PAGE2B: variants seen among roughly 807,000 people sequenced by gnomAD.
The protein encoded by PAGE2B is putative G antigen family E member 3.
PAGE2B carries 5 observed loss-of-function variants against 7.6 expected under a neutral mutation model. The observed-to-expected ratio is 0.66, with a 90% CI of 0.34 to 1.38. The LOEUF (loss-of-function observed/expected upper bound fraction) is 1.38. Ranked by LOEUF, PAGE2B falls within the 40% of genes most tolerant of loss-of-function variation. PAGE2B has a pLI of 0.04. For synonymous variants in PAGE2B, 29 were observed against 26.7 expected (o/e 1.09, Z -0.27); for missense variants, 70 against 78.4 (o/e 0.89, Z 0.41).
the PAGE2B span, among the ~76,000 whole-genome samples, chrX:55,037,794 C>G: frequency 9.4e-6 from 1 of 106,179 alleles, no homozygotes; most frequent in East Asian, 3.0e-4. Context: ...AGCAAACTAT[C>G]ACAAGGACAA....
chrX:55,059,829 T>C, the PAGE2B span, among the ~76,000 whole-genome samples: 1 of 111,385 alleles, frequency 9.0e-6, no homozygotes, highest in African/African-American at 3.3e-5. Flanking sequence ...TTCTATCAAT[T>C]AGATTTTTTT....
At chrX:55,029,504 A>G in the PAGE2B span, among the ~76,000 whole-genome samples, 1 of 111,746 alleles carries the variant, frequency 8.9e-6, no homozygotes, top group Non-Finnish European at 1.9e-5. Flanking sequence ...TAACTTAACC[A>G]TTATGGATCT....
chrX:55,069,339 G>A, the PAGE2B span, among the ~76,000 whole-genome samples: 19 of 111,552 alleles, frequency 1.7e-4, no homozygotes, highest in South Asian at 3.8e-4. Flanking sequence ...GATGGATTAC[G>A]TTTATTGATT....
At chrX:55,041,271 C>T in the PAGE2B span, among the ~76,000 whole-genome samples, 8 of 108,047 alleles carry the variant, frequency 7.4e-5, no homozygotes, top group African/African-American at 2.0e-4. Flanking sequence ...TTAGCAGAGA[C>T]GGGATTTCAC....
chrX:55,057,869 T>C, the PAGE2B span, among the ~76,000 whole-genome samples: 2 of 111,947 alleles, frequency 1.8e-5, no homozygotes, highest in Admixed American at 1.9e-4. Flanking sequence ...TGGATTGCAC[T>C]CTCTTGACAG....
At chrX:55,029,126 C>T in the PAGE2B span, among the ~76,000 whole-genome samples, 1 of 111,525 alleles carries the variant, frequency 9.0e-6, no homozygotes, top group Non-Finnish European at 1.9e-5. Flanking sequence ...TTCTCCATTT[C>T]CCATGTAGAA....
chrX:55,066,050 A>G, the PAGE2B span, among the ~76,000 whole-genome samples: 1 of 111,840 alleles, frequency 8.9e-6, no homozygotes, highest in Middle Eastern at 4.6e-3. Flanking sequence ...TGAGTTTTGT[A>G]CCTTCAGATG....
At chrX:55,066,872 T>C in the PAGE2B span, among the ~76,000 whole-genome samples, 2 of 111,443 alleles carry the variant, frequency 1.8e-5, no homozygotes, top group African/African-American at 6.5e-5. Flanking sequence ...TTAATATGCT[T>C]TTCATATTTA....
At chrX:55,072,839 C>T (rs1012935385), upstream of PAGE2B, among the ~76,000 whole-genome samples, 9 of 111,828 alleles carry the variant, frequency 8.0e-5, no homozygotes, top group Non-Finnish European at 1.3e-4. Flanking sequence ...TCACCCATTC[C>T]GAGCTTCCAG....
the PAGE2B span, among the ~76,000 whole-genome samples, chrX:55,067,095 T>A: frequency 9.0e-6 from 1 of 110,813 alleles, no homozygotes; most frequent in Non-Finnish European, 1.9e-5. Context: ...CTGGGGTATG[T>A]GTGCAGAATA....
At chrX:55,039,134 A>T in the PAGE2B span, among the ~76,000 whole-genome samples, 1 of 111,585 alleles carries the variant, frequency 9.0e-6, no homozygotes, top group Non-Finnish European at 1.9e-5. Flanking sequence ...CCATGAGATA[A>T]AACTGCTTTC....
chrX:55,040,474 C>T, the PAGE2B span, among the ~76,000 whole-genome samples: 1 of 111,203 alleles, frequency 9.0e-6, no homozygotes, highest in Admixed American at 9.6e-5. Flanking sequence ...ATGAACTCAT[C>T]CAAAAAGGAA....
intron 2 of PAGE2B, 73 bp downstream of exon 2, chrX:55,076,198 C>A: frequency 9.4e-7 from 1 of 1,061,803 alleles, no homozygotes; most frequent in Non-Finnish European, 1.3e-6. Context: ...CTAGTGTACA[C>A]GCACTGATAC....
At chrX:55,056,278 GTGGGAGAGAAAGGATAAGAGAGGAA>G in the PAGE2B span, among the ~76,000 whole-genome samples, 1 of 110,953 alleles carries the variant, frequency 9.0e-6, no homozygotes, top group African/African-American at 3.3e-5. Context: ...TGGGAGAGTG[GTGGGAGAGAAAGGATAAGAGAGGAA>G]TGGGAGAGAA....
chrX:55,029,533 C>A, the PAGE2B span, among the ~76,000 whole-genome samples: 3 of 111,714 alleles, frequency 2.7e-5, no homozygotes, highest in East Asian at 8.4e-4. Context: ...AATATTACTA[C>A]CTTTTTTTCT....
At chrX:55,075,180 C>G in intron 1 of PAGE2B, 66 bp downstream of exon 1, 1 of 126,777 alleles carries the variant, frequency 7.9e-6, no homozygotes, top group Non-Finnish European at 1.6e-5. Flanking sequence ...AGCCAGCTGG[C>G]TTTGGACAGG....
chrX:55,029,779 G>T, the PAGE2B span, among the ~76,000 whole-genome samples: 1 of 111,904 alleles, frequency 8.9e-6, no homozygotes, highest in African/African-American at 3.3e-5. Context: ...CCAAAGAGAT[G>T]ATGGTGAAAT....
the PAGE2B span, among the ~76,000 whole-genome samples, chrX:55,057,484 C>T: frequency 1.8e-5 from 2 of 111,574 alleles, no homozygotes; most frequent in Admixed American, 9.5e-5. Context: ...GGCCTTGAAT[C>T]CTGCCCCTGC....
the PAGE2B span, among the ~76,000 whole-genome samples, chrX:55,045,983 C>T: frequency 9.0e-6 from 1 of 111,718 alleles, no homozygotes; most frequent in African/African-American, 3.3e-5. Flanking sequence ...GTAGGAGAAA[C>T]AGGCACATAA....
Sources: gnomAD v4.1 joint callset for allele counts (sites outside exome capture counted in the v4.1 genomes callset) on GRCh38, gnomAD v4.1.1 for gene constraint, MANE v1.5 for transcripts, NCBI Gene and HGNC (gene_info 2026-07-23, HGNC 2026-07-21) for gene names.